The following RIC1 variants were observed in gnomAD, a reference collection of about 807,000 sequenced individuals.
RIC1 encodes the protein guanine nucleotide exchange factor subunit RIC1.
A neutral mutation model predicts 169.0 loss-of-function variants in RIC1; 88 were observed. The observed-to-expected ratio is 0.52, with a 90% CI of 0.44 to 0.62. The LOEUF is 0.62. RIC1 is among the 20% of genes least tolerant of loss of function. RIC1 has a pLI of 0.00. For missense variants in RIC1, 1,877 were observed against 1,725.5 expected, an observed-to-expected ratio of 1.09 and a Z score of -1.56; for synonymous variants, 790 against 601.5, an observed-to-expected ratio of 1.31 and a Z score of -4.59.
At chr9:5,753,362 C>T in intron 13 of RIC1, 124 bp downstream of exon 13, 1 of 912,454 alleles carries the variant, frequency 1.1e-6, no homozygotes. Flanking sequence ...TGTAACATTG[C>T]TAGTATATTA....
chr9:5,634,563 T>C (rs1817878387), intron 1 of RIC1, among the ~76,000 whole-genome samples: 1 of 152,230 alleles, frequency 6.6e-6, no homozygotes, highest in Non-Finnish European at 1.5e-5. Context: ...GTTATCTGTT[T>C]TGTTTTTTTC....
chr9:5,765,323 T>G, intron 19 of RIC1, 91 bp from the exon 20 acceptor site: 1 of 1,384,956 alleles, frequency 7.2e-7, no homozygotes, highest in Non-Finnish European at 9.9e-7. Context: ...GTGGCTACAT[T>G]CTTTGAGTTT....
intron 2 of RIC1, among the ~76,000 whole-genome samples, chr9:5,673,119 A>G (rs1820207922): frequency 2.0e-5 from 3 of 152,152 alleles, no homozygotes; most frequent in Non-Finnish European, 4.4e-5. Context: ...TTAGACAAGA[A>G]AATGAAACGT....
At position 5,656,721 on chromosome 9, in the gene RIC1, T is replaced by G. The variant is rs375028817; in HGVS notation, c.252+31T>G. The stretch of plus-strand genomic sequence containing the variant: ...TAGATTTTACCGCTAAATAGTGTTT[T>G]CTTATGAAATCATTACATCGCATTT... On this transcript the variant is annotated intron_variant, in intron 2 of 25. Transcript: ENST00000414202. 5.1e-5 allele frequency: 63 copies of G among 1,228,842 alleles called. No individual in the cohort carries two copies. The African/African-American group carries it at 8.5e-4, about 16-fold the overall frequency. 76.1% of individuals were successfully genotyped at this position (1,228,842 alleles called of 1,614,324 possible). A position where few individuals can be genotyped will look rare whatever the true frequency, so the allele number is the denominator to read the frequency against.
intron 7 of RIC1, among the ~76,000 whole-genome samples, chr9:5,738,096 T>C (rs1166769982): frequency 6.6e-6 from 1 of 152,184 alleles, no homozygotes; most frequent in East Asian, 1.9e-4. Context: ...TTCAGTGCTG[T>C]AAGGTATAGT....
intron 6 of RIC1, among the ~76,000 whole-genome samples, chr9:5,726,748 G>T (rs1824016886): frequency 1.3e-5 from 2 of 152,266 alleles, no homozygotes; most frequent in South Asian, 4.1e-4. Context: ...AGGCAGGCTT[G>T]GTGGTGACAA....
chr9:5,761,104 C>CTTTTTT (rs71326188), intron 17 of RIC1, among the ~76,000 whole-genome samples: 8 of 94,666 alleles, frequency 8.5e-5, no homozygotes, highest in African/African-American at 2.1e-4. Flanking sequence ...CCAGCCTCAC[C>CTTTTTT]TTTTTTTTTT....
intron 1 of RIC1, 80 bp from the exon 2 acceptor site, chr9:5,656,503 C>T (rs1458875687): frequency 1.6e-6 from 1 of 606,144 alleles, no homozygotes; most frequent in Admixed American, 3.3e-5. Flanking sequence ...TTTGAATACT[C>T]TGTTATCTTA....
intron 2 of RIC1, among the ~76,000 whole-genome samples, chr9:5,676,342 A>G (rs984915257): frequency 6.6e-6 from 1 of 152,204 alleles, no homozygotes; most frequent in African/African-American, 2.4e-5. Flanking sequence ...TTGAATATGA[A>G]TTAACGGTGT....
rs142276955 is a variant in RIC1, at chr9:5,747,418, T to G, written c.1365T>G (p.Ser455Arg). The G allele has an allele frequency of 3.7e-3, 6,010 of 1,614,066 alleles. 18 individuals carry two copies. The highest frequency in any genetic ancestry group is 4.6e-3 in the Non-Finnish European group (5,383 of 1,179,926). Reference protein sequence around the residue: ...SSSTHSEHKPSREKSPFADGG... With the variant: ...SSSTHSEHKPRREKSPFADGG... ...CAACACACTCTGAGCATAAGCCCAGTCGAGAAAAGAGCCCATTTGCAGATG... is the reference window on the plus strand; with the variant it reads ...CAACACACTCTGAGCATAAGCCCAGGCGAGAAAAGAGCCCATTTGCAGATG... The change falls in exon 12 of 26, where the codon AGT becomes AGG. Residue 455 changes from serine to arginine, a missense_variant. Coordinates refer to ENST00000414202, the MANE Select transcript of RIC1 (RefSeq NM_020829.4).
chr9:5,688,461 T>G (rs1168591452), intron 2 of RIC1, among the ~76,000 whole-genome samples: 2 of 152,242 alleles, frequency 1.3e-5, no homozygotes, highest in Non-Finnish European at 2.9e-5. Flanking sequence ...TTGTTGTTCT[T>G]GTTTTTTTAT....
chr9:5,771,266 C>G (rs905027398), intron 23 of RIC1, among the ~76,000 whole-genome samples: 1 of 152,190 alleles, frequency 6.6e-6, no homozygotes, highest in Non-Finnish European at 1.5e-5. Flanking sequence ...TATTTTTTCT[C>G]TCTGAATTTG....
chr9:5,729,745 T>C (rs937015698), intron 6 of RIC1, among the ~76,000 whole-genome samples: 5 of 152,182 alleles, frequency 3.3e-5, no homozygotes, highest in African/African-American at 7.2e-5. Flanking sequence ...TCTTCCGTTA[T>C]CAACTTTATT....
rs761338535 is a variant in RIC1, at chr9:5,722,220, T to TC, written c.720+1472dup. Among the ~76,000 whole-genome samples, 50 of 147,696 alleles carry TC rather than the reference T, an allele frequency of 3.4e-4. 1 individual carries two copies. The South Asian group carries it at 3.7e-3, about 11-fold the overall frequency. On this transcript the variant is annotated intron_variant, in intron 6 of 25. Transcript: ENST00000414202. ...TCTTCTTCTTCTTTTTTTTTTTTTT[T>TC]CCACAGTACCACAAAACAATTTAAT... is the stretch of plus-strand genomic sequence containing the variant.
chr9:5,741,931 T>G (rs1304151127), intron 8 of RIC1, among the ~76,000 whole-genome samples: 2 of 152,210 alleles, frequency 1.3e-5, no homozygotes, highest in Non-Finnish European at 2.9e-5. Context: ...AGGATTTAAA[T>G]TTCTTTGCTT....
chr9:5,678,579 T>A (rs565098572), intron 2 of RIC1, among the ~76,000 whole-genome samples: 295 of 152,284 alleles, frequency 1.9e-3, no homozygotes, highest in African/African-American at 6.5e-3. Context: ...GGCTTTGATT[T>A]GCATTTCTCT....
intron 1 of RIC1, among the ~76,000 whole-genome samples, chr9:5,655,977 C>A (rs998262520): frequency 1.3e-5 from 2 of 152,052 alleles, no homozygotes; most frequent in African/African-American, 4.8e-5. Context: ...TCACGCTATT[C>A]TCCTGCCTCA....
At chr9:5,689,882 A>T in intron 2 of RIC1, 77 bp from the exon 3 acceptor site, 1 of 1,019,092 alleles carries the variant, frequency 9.8e-7, no homozygotes. Context: ...TCGAAGTAAG[A>T]ATTTATAAAA....
At chr9:5,754,702 G>C (rs1383063638) in intron 14 of RIC1, 139 bp from the exon 15 acceptor site, 10 of 480,164 alleles carry the variant, frequency 2.1e-5, no homozygotes, top group Admixed American at 1.3e-4. Flanking sequence ...CTGCACTCCA[G>C]CATGGGTGAC....
Sources: allele counts gnomAD v4.1 joint callset (sites outside exome capture counted in the v4.1 genomes callset), GRCh38; gene constraint gnomAD v4.1.1; transcripts MANE v1.5; gene names NCBI Gene and HGNC (gene_info 2026-07-23, HGNC 2026-07-21).